Variants in TRPM3 observed in about 807,000 individuals in gnomAD.
The protein encoded by TRPM3 is transient receptor potential cation channel subfamily M member 3, also known as long transient receptor potential channel 3.
A neutral mutation model predicts 181.2 loss-of-function variants in TRPM3; 77 were observed. That is an observed-to-expected ratio of 0.42 (90% CI 0.35 to 0.51). The LOEUF is 0.51. Ranked by LOEUF, TRPM3 falls within the 20% of genes least tolerant of loss-of-function variation. The pLI is 0.01. For synonymous variants in TRPM3, 745 were observed against 796.4 expected (o/e 0.94, Z 1.09); for missense variants, 1,759 against 2,196.7 (o/e 0.80, Z 3.98).
At chr9:71,242,425 CTGTT>C (rs910017966) in intron 1 of TRPM3, among the ~76,000 whole-genome samples, 3 of 152,180 alleles carry the variant, frequency 2.0e-5, no homozygotes, top group African/African-American at 7.2e-5. Context: ...TGAAAACAAT[CTGTT>C]TATTTAGGCT....
intron 1 of TRPM3, among the ~76,000 whole-genome samples, chr9:71,147,847 G>C (rs1413520723): frequency 6.6e-6 from 1 of 152,100 alleles, no homozygotes; most frequent in East Asian, 1.9e-4. Context: ...ATAAACAGGG[G>C]CCTTACAAGG....
intron 1 of TRPM3, among the ~76,000 whole-genome samples, chr9:71,330,247 A>G (rs2090013063): frequency 6.6e-6 from 1 of 151,900 alleles, no homozygotes; most frequent in African/African-American, 2.4e-5. Context: ...TAGATTGCAG[A>G]TTTTTGTTAA....
At chr9:70,636,658 G>A (rs2057249168) in intron 11 of TRPM3, among the ~76,000 whole-genome samples, 2 of 150,518 alleles carry the variant, frequency 1.3e-5, no homozygotes, top group African/African-American at 4.9e-5. Flanking sequence ...TGCTAAATCT[G>A]GTGAGATGAT....
At chr9:70,999,526 C>T (rs1260609380) in intron 1 of TRPM3, among the ~76,000 whole-genome samples, 1 of 152,110 alleles carries the variant, frequency 6.6e-6, no homozygotes, top group Non-Finnish European at 1.5e-5. Flanking sequence ...TCAGTAGATA[C>T]CATCATAGGA....
At chr9:71,059,735 T>C (rs2061090230) in intron 1 of TRPM3, among the ~76,000 whole-genome samples, 1 of 152,086 alleles carries the variant, frequency 6.6e-6, no homozygotes, top group Admixed American at 6.5e-5. Context: ...TCAATTCCTG[T>C]CTCAGTCTCC....
chr9:70,596,712 CAAA>C (rs33932883), intron 21 of TRPM3, among the ~76,000 whole-genome samples: 17 of 132,098 alleles, frequency 1.3e-4, no homozygotes, highest in South Asian at 2.5e-4. Flanking sequence ...AAAACACTGT[CAAA>C]AAAAAAAAAA....
intron 1 of TRPM3, among the ~76,000 whole-genome samples, chr9:71,191,324 T>C (rs963454803): frequency 2.6e-5 from 4 of 151,874 alleles, no homozygotes; most frequent in Admixed American, 2.6e-4. Flanking sequence ...TTATTTGCTT[T>C]TTGTCTATAA....
intron 1 of TRPM3, among the ~76,000 whole-genome samples, chr9:71,180,482 A>C (rs895049983): frequency 4.6e-5 from 7 of 152,288 alleles, no homozygotes; most frequent in African/African-American, 1.7e-4. Flanking sequence ...TGTACTTTGT[A>C]AGTACTCTAT....
intron 1 of TRPM3, among the ~76,000 whole-genome samples, chr9:70,940,251 A>T (rs2096872440): frequency 6.6e-6 from 1 of 152,218 alleles, no homozygotes; most frequent in South Asian, 2.1e-4. Context: ...AAGGAAACTT[A>T]ACACAAAAAA....
intron 6 of TRPM3, among the ~76,000 whole-genome samples, chr9:70,810,400 C>T (rs1049285122): frequency 6.6e-6 from 1 of 151,056 alleles, no homozygotes; most frequent in Non-Finnish European, 1.5e-5. Context: ...ACCCCACCCT[C>T]CTCTCCATCG....
chr9:71,209,775 TTA>T (rs1316594675), intron 1 of TRPM3, among the ~76,000 whole-genome samples: 15 of 152,210 alleles, frequency 9.9e-5, no homozygotes, highest in Admixed American at 9.8e-4. Context: ...TACATGAAAA[TTA>T]TATGACATTT....
At chr9:70,653,483 G>GTTT (rs1454754738) in intron 9 of TRPM3, among the ~76,000 whole-genome samples, 1 of 150,132 alleles carries the variant, frequency 6.7e-6, no homozygotes, top group Non-Finnish European at 1.5e-5. Context: ...TTTTTTGGTT[G>GTTT]TTTCAGTCTT....
At chr9:71,276,036 T>C (rs2084185383) in intron 1 of TRPM3, among the ~76,000 whole-genome samples, 1 of 152,048 alleles carries the variant, frequency 6.6e-6, no homozygotes, top group Non-Finnish European at 1.5e-5. Flanking sequence ...AAAGACAGTG[T>C]TTCACTGTGT....
intron 9 of TRPM3, among the ~76,000 whole-genome samples, chr9:70,667,629 T>C (rs1273399284): frequency 6.6e-6 from 1 of 152,216 alleles, no homozygotes; most frequent in Admixed American, 6.5e-5. Context: ...TTCTGTCTGC[T>C]TCTTAAAAAA....
At chr9:71,032,278 T>A (rs544034053) in intron 1 of TRPM3, among the ~76,000 whole-genome samples, 10 of 142,388 alleles carry the variant, frequency 7.0e-5, no homozygotes, top group African/African-American at 2.6e-4. Flanking sequence ...AAGAGGCTAG[T>A]CATTCTAAAT....
At chr9:71,412,621 G>C (rs1415663031) in intron 1 of TRPM3, among the ~76,000 whole-genome samples, 2 of 152,148 alleles carry the variant, frequency 1.3e-5, no homozygotes, top group African/African-American at 4.8e-5. Flanking sequence ...AGGATGTGGA[G>C]AAATAGGAAC....
chr9:71,402,309 A>T (rs1223924279), intron 1 of TRPM3, among the ~76,000 whole-genome samples: 1 of 152,222 alleles, frequency 6.6e-6, no homozygotes, highest in Non-Finnish European at 1.5e-5. Flanking sequence ...TACACAAGAT[A>T]ATCAGAAATC....
intron 1 of TRPM3, among the ~76,000 whole-genome samples, chr9:71,335,237 T>C (rs1286508090): frequency 1.3e-5 from 2 of 152,172 alleles, no homozygotes; most frequent in Non-Finnish European, 2.9e-5. Context: ...CTATTTAGCA[T>C]TGACTGACTA....
chr9:71,285,176 C>T (rs1157766759), intron 1 of TRPM3, among the ~76,000 whole-genome samples: 1 of 152,130 alleles, frequency 6.6e-6, no homozygotes, highest in African/African-American at 2.4e-5. Context: ...TCTAAAAGTG[C>T]CCATCCAGTC....
Sources: allele counts gnomAD v4.1 joint callset (sites outside exome capture counted in the v4.1 genomes callset), GRCh38; gene constraint gnomAD v4.1.1; transcripts MANE v1.5; gene names NCBI Gene and HGNC (gene_info 2026-07-23, HGNC 2026-07-21).